Variants in RAP2B observed in about 807,000 individuals in gnomAD.
RAP2B encodes the protein RAP2B, member of RAS oncogene family.
Under a neutral mutation model 14.4 loss-of-function variants are expected in RAP2B, and 6 were observed. The ratio of observed to expected loss-of-function variants is 0.42; its 90% confidence interval spans 0.23 to 0.82. The LOEUF is 0.82. RAP2B is among the 40% of genes least tolerant of loss of function. The pLI is 0.30. For missense variants in RAP2B, 137 were observed against 248.2 expected (o/e 0.55, Z 3.01); for synonymous variants, 118 against 113.2 (o/e 1.04, Z -0.27).
Position 153,162,942 on chromosome 3 carries a change from C to T in RAP2B, c.249C>T (p.Ser83=), listed in dbSNP as rs772311698. Residue 83 remains serine (S), a synonymous_variant, in exon 1 of 1, where the codon AGC becomes AGT. Coordinates refer to ENST00000323534, the MANE Select transcript of RAP2B (RefSeq NM_002886.4). This position sits in a 1 kb window ranked among gnomAD's most constrained non-coding sequence, Gnocchi z 4.9. Reference sequence around the variant, plus strand: ...GCCAGGGCTTCATCCTGGTCTACAGCCTCGTCAACCAGCAGAGCTTCCAGG... The same window carrying T: ...GCCAGGGCTTCATCCTGGTCTACAGTCTCGTCAACCAGCAGAGCTTCCAGG... ...KNGQGFILVY[S]LVNQQSFQDI... 7 of 1,614,050 alleles carry T rather than the reference C, an allele frequency of 4.3e-6. No individual in the cohort carries two copies. In the Admixed American group the frequency reaches 1.0e-4, roughly 23 times the overall value.
chr3:153,169,233 C>G lies in RAP2B; in HGVS notation c.*5988C>G, dbSNP rs1245334794. ...AGTGCAATGGCGCGATCTCGGCTCA[C>G]TGCAACTTCCGCTTCCTGGGTTCAA... On this transcript the variant is annotated 3_prime_UTR_variant, in exon 1 of 1. Transcript: ENST00000323534. The G allele has an allele frequency of 6.6e-6, 1 of 151,916 alleles. No individual in the cohort carries two copies. Among genetic ancestry groups the G allele is most frequent in the Non-Finnish European group, 1.5e-5 (1 of 68,044 alleles). The allele number at this position is 151,916 out of a possible 1,614,324, so 9.4% of individuals were successfully genotyped here. A position where few individuals can be genotyped will look rare whatever the true frequency, so the allele number is the denominator to read the frequency against.
Position 153,169,411 on chromosome 3 carries a change from T to G in RAP2B, c.*6166T>G, listed in dbSNP as rs1420648720. The G allele has an allele frequency of 6.6e-6, 1 of 151,774 alleles. No individual in the cohort carries two copies. The highest frequency in any genetic ancestry group is 1.5e-5 in the Non-Finnish European group (1 of 68,102). The allele number at this position is 151,774 out of a possible 1,614,324, so 9.4% of individuals were successfully genotyped here. A position where few individuals can be genotyped will look rare whatever the true frequency, so the allele number is the denominator to read the frequency against. ...GACCTTGTGATCTGCCCACCTTGGCTTCCCAAAGTGCTGGGATTACAGGTG... is the reference window on the plus strand; with the variant it reads ...GACCTTGTGATCTGCCCACCTTGGCGTCCCAAAGTGCTGGGATTACAGGTG... On this transcript the variant is annotated 3_prime_UTR_variant, in exon 1 of 1. Transcript: ENST00000323534.
rs138284875 is a variant in RAP2B at position 153,162,434 on chromosome 3, C to T, written c.-260C>T. 2,856 of 290,364 alleles carry T rather than the reference C, an allele frequency of 9.8e-3. 28 individuals carry two copies. Among genetic ancestry groups the T allele is most frequent in the Non-Finnish European group, 0.013 (2,025 of 158,552 alleles). The allele number at this position is 290,364 out of a possible 1,614,324, so 18.0% of individuals were successfully genotyped here. On this transcript the variant is annotated 5_prime_UTR_variant, in exon 1 of 1. Transcript: ENST00000323534. The surrounding 1 kb of genome is among the most constrained non-coding windows in gnomAD (Gnocchi z 4.9). ...TGCGGGCATTGTCCTCTCGGTTCGC[C>T]GCCCGGGCTGCTGCTGCCGCCGCGG...
rs908197761 is a variant in RAP2B at position 153,167,982 on chromosome 3, T to C, written c.*4737T>C. 6.0e-6 allele frequency: 1 copy of C among 167,054 alleles called. No individual in the cohort carries two copies. The highest frequency in any genetic ancestry group is 2.4e-5 in the African/African-American group (1 of 41,450). The allele number at this position is 167,054 out of a possible 1,614,324, so 10.3% of individuals were successfully genotyped here. On this transcript the variant is annotated 3_prime_UTR_variant, in exon 1 of 1. Coordinates refer to ENST00000323534, the MANE Select transcript of RAP2B (RefSeq NM_002886.4). ...TTCTAAAAATCATTGTGCCAGAGAATTTAAATCTTCATATCATGGTAAGCA... is the reference window on the plus strand; with the variant it reads ...TTCTAAAAATCATTGTGCCAGAGAACTTAAATCTTCATATCATGGTAAGCA...
Position 153,162,557 on chromosome 3 carries a change from T to G in RAP2B, c.-137T>G. On this transcript the variant is annotated 5_prime_UTR_variant, in exon 1 of 1. Coordinates refer to ENST00000323534, the MANE Select transcript of RAP2B (RefSeq NM_002886.4). This position sits in a 1 kb window ranked among gnomAD's most constrained non-coding sequence, Gnocchi z 4.9. Reference sequence around the variant, plus strand: ...CCGTTCGGTGGTTTCCGCCCTGCGTTCTCTGGGTTGCTCTCTCCTGGGTTT... The same window carrying G: ...CCGTTCGGTGGTTTCCGCCCTGCGTGCTCTGGGTTGCTCTCTCCTGGGTTT... 1.8e-6 allele frequency: 2 copies of G among 1,090,796 alleles called. No homozygotes were observed. The highest frequency in any genetic ancestry group is 2.5e-6 in the Non-Finnish European group (2 of 794,576). The allele number at this position is 1,090,796 out of a possible 1,614,324, so 67.6% of individuals were successfully genotyped here. A position where few individuals can be genotyped will look rare whatever the true frequency, so the allele number is the denominator to read the frequency against.
At position 153,168,711 on chromosome 3, in the gene RAP2B, T is replaced by C. The variant is rs1713645921; in HGVS notation, c.*5466T>C. ...GGAGCTATGTCTTCCATTCCAACTATACAGAAATAAACTTTTTTAAAGTTT... is the reference window on the plus strand; with the variant it reads ...GGAGCTATGTCTTCCATTCCAACTACACAGAAATAAACTTTTTTAAAGTTT... On this transcript the variant is annotated 3_prime_UTR_variant, in exon 1 of 1. Coordinates refer to ENST00000323534, the MANE Select transcript of RAP2B (RefSeq NM_002886.4). The C allele has an allele frequency of 6.6e-6, 1 of 152,212 alleles. No homozygotes were observed. The highest frequency in any genetic ancestry group is 2.1e-4 in the South Asian group (1 of 4,834). 9.4% of individuals were successfully genotyped at this position (152,212 alleles called of 1,614,324 possible). A position where few individuals can be genotyped will look rare whatever the true frequency, so the allele number is the denominator to read the frequency against.
Position 153,162,662 on chromosome 3 carries a change from G to T in RAP2B, c.-32G>T. 1.3e-6 allele frequency: 2 copies of T among 1,562,700 alleles called. No individual in the cohort carries two copies. The highest frequency in any genetic ancestry group is 1.7e-6 in the Non-Finnish European group (2 of 1,155,482). ...CCCGGCGCGCAGCCCCGACGGGGCC[G>T]CGGCAGGCGCGGCGAGAGCGCTGAC... On this transcript the variant is annotated 5_prime_UTR_variant, in exon 1 of 1. Coordinates refer to ENST00000323534, the MANE Select transcript of RAP2B (RefSeq NM_002886.4). The surrounding 1 kb of genome is among the most constrained non-coding windows in gnomAD (Gnocchi z 4.9).
rs985598897 is a variant in RAP2B, at chr3:153,168,732, A to C, written c.*5487A>C. On this transcript the variant is annotated 3_prime_UTR_variant, in exon 1 of 1. Coordinates refer to ENST00000323534, the MANE Select transcript of RAP2B (RefSeq NM_002886.4). ...ACTATACAGAAATAAACTTTTTTAA[A>C]GTTTAGTTTGCCCATCTGATAAAGG... is the stretch of plus-strand genomic sequence containing the variant. 6.6e-6 allele frequency: 1 copy of C among 152,178 alleles called. No homozygotes were observed. Among genetic ancestry groups the C allele is most frequent in the Non-Finnish European group, 1.5e-5 (1 of 68,026 alleles). 9.4% of individuals were successfully genotyped at this position (152,178 alleles called of 1,614,324 possible). A position where few individuals can be genotyped will look rare whatever the true frequency, so the allele number is the denominator to read the frequency against.
rs1166554090 is a variant in RAP2B at position 153,170,230 on chromosome 3, G to A, written c.*6985G>A. The A allele has an allele frequency of 6.6e-6, 1 of 152,176 alleles. No individual in the cohort carries two copies. Among genetic ancestry groups the A allele is most frequent in the Non-Finnish European group, 1.5e-5 (1 of 68,030 alleles). 9.4% of individuals were successfully genotyped at this position (152,176 alleles called of 1,614,324 possible). On this transcript the variant is annotated 3_prime_UTR_variant, in exon 1 of 1. Transcript: ENST00000323534. ...AATGGAAAAGAGAAAGATTATTGAT[G>A]CCTTGTGAATACAGGTGTCCCCAAA...
Position 153,165,254 on chromosome 3 carries a change from T to A in RAP2B, c.*2009T>A, listed in dbSNP as rs577239284. On this transcript the variant is annotated 3_prime_UTR_variant, in exon 1 of 1. Coordinates refer to ENST00000323534, the MANE Select transcript of RAP2B (RefSeq NM_002886.4). ...TGCCTCAACCCTTTTGAGGTTTTGA[T>A]TTGGAAATAGATTTAAAAGAAAACA... The A allele has an allele frequency of 1.8e-5, 3 of 167,218 alleles. No individual in the cohort carries two copies. The highest frequency in any genetic ancestry group is 4.4e-5 in the Non-Finnish European group (3 of 68,110). 10.4% of individuals were successfully genotyped at this position (167,218 alleles called of 1,614,324 possible).
chr3:153,162,676 G>A lies in RAP2B; in HGVS notation c.-18G>A. 6.3e-7 allele frequency: 1 copy of A among 1,578,022 alleles called. No homozygotes were observed. On this transcript the variant is annotated 5_prime_UTR_variant, in exon 1 of 1. Transcript: ENST00000323534. The surrounding 1 kb of genome is among the most constrained non-coding windows in gnomAD (Gnocchi z 4.9). ...CCGACGGGGCCGCGGCAGGCGCGGC[G>A]AGAGCGCTGACGGAGCCATGAGAGA...
Position 153,163,425 on chromosome 3 carries a change from G to A in RAP2B, c.*180G>A. ...GCCTCCACCCTGTGCCCGAGGGGGT[G>A]TCCGGTCCTGCCCATCCGATACTCT... On this transcript the variant is annotated 3_prime_UTR_variant, in exon 1 of 1. Transcript: ENST00000323534. 1.3e-6 allele frequency: 1 copy of A among 756,958 alleles called. No homozygotes were observed. Among genetic ancestry groups the A allele is most frequent in the Admixed American group, 3.1e-5 (1 of 32,488 alleles). The allele number at this position is 756,958 out of a possible 1,614,324, so 46.9% of individuals were successfully genotyped here.
At position 153,169,985 on chromosome 3, in the gene RAP2B, T is replaced by C. The variant is rs1240390790; in HGVS notation, c.*6740T>C. 6.6e-6 allele frequency: 1 copy of C among 150,992 alleles called. No individual in the cohort carries two copies. Among genetic ancestry groups the C allele is most frequent in the African/African-American group, 2.5e-5 (1 of 40,288 alleles). The allele number at this position is 150,992 out of a possible 1,614,324, so 9.4% of individuals were successfully genotyped here. On this transcript the variant is annotated 3_prime_UTR_variant, in exon 1 of 1. Transcript: ENST00000323534. ...GTATAGACATGCAGGAAAAGCAAAA[T>C]GGGCCTTATGGCTATTGAAATTATG...
chr3:153,167,013 A>G lies in RAP2B; in HGVS notation c.*3768A>G, dbSNP rs1034035355. 8 of 166,956 alleles carry G rather than the reference A, an allele frequency of 4.8e-5. No individual in the cohort carries two copies. The highest frequency in any genetic ancestry group is 1.7e-4 in the African/African-American group (7 of 41,460). The allele number at this position is 166,956 out of a possible 1,614,324, so 10.3% of individuals were successfully genotyped here. On this transcript the variant is annotated 3_prime_UTR_variant, in exon 1 of 1. Coordinates refer to ENST00000323534, the MANE Select transcript of RAP2B (RefSeq NM_002886.4). The stretch of plus-strand genomic sequence containing the variant: ...TTTTTTGTTTTTCACAACAGCTGGA[A>G]TAAGTTCCTGCATTATAAGTATAAA...
chr3:153,170,027 A>G lies in RAP2B; in HGVS notation c.*6782A>G, dbSNP rs781273656. 1 of 152,208 alleles carries G rather than the reference A, an allele frequency of 6.6e-6. No individual in the cohort carries two copies. Among genetic ancestry groups the G allele is most frequent in the East Asian group, 1.9e-4 (1 of 5,194 alleles). The allele number at this position is 152,208 out of a possible 1,614,324, so 9.4% of individuals were successfully genotyped here. Reference sequence around the variant, plus strand: ...GAAATTATGAGTGTTGATCTGTTCTATAAATTGGAGGAGACAGCTATTTGC... The same window carrying G: ...GAAATTATGAGTGTTGATCTGTTCTGTAAATTGGAGGAGACAGCTATTTGC... On this transcript the variant is annotated 3_prime_UTR_variant, in exon 1 of 1. Transcript: ENST00000323534.
Position 153,165,307 on chromosome 3 carries a change from TACACCCTGCAGTTTGGACC to T in RAP2B, c.*2066_*2084del, listed in dbSNP as rs1442243504. The T allele has an allele frequency of 6.0e-6, 1 of 167,110 alleles. No individual in the cohort carries two copies. The highest frequency in any genetic ancestry group is 1.5e-5 in the Non-Finnish European group (1 of 68,122). The allele number at this position is 167,110 out of a possible 1,614,324, so 10.4% of individuals were successfully genotyped here. A position where few individuals can be genotyped will look rare whatever the true frequency, so the allele number is the denominator to read the frequency against. ...CTAAGATAATATCCTTGTTCTCATT[TACACCCTGCAGTTTGGACC>T]ACATTTGACCTCATAAGTTTTTCCT... On this transcript the variant is annotated 3_prime_UTR_variant, in exon 1 of 1. Coordinates refer to ENST00000323534, the MANE Select transcript of RAP2B (RefSeq NM_002886.4).
At position 153,166,424 on chromosome 3, in the gene RAP2B, G is replaced by A. The variant is rs1713578830; in HGVS notation, c.*3179G>A. The A allele has an allele frequency of 2.4e-5, 4 of 167,044 alleles. No individual in the cohort carries two copies. The South Asian group carries it at 8.3e-4, about 35-fold the overall frequency. The allele number at this position is 167,044 out of a possible 1,614,324, so 10.3% of individuals were successfully genotyped here. A position where few individuals can be genotyped will look rare whatever the true frequency, so the allele number is the denominator to read the frequency against. On this transcript the variant is annotated 3_prime_UTR_variant, in exon 1 of 1. Transcript: ENST00000323534. ...TGTTAAAGGAAGTGAGTCAGGGAGG[G>A]CGGAGTTTGTTGTAAGGCAATCACC...
rs929102786 is a variant in RAP2B at position 153,170,538 on chromosome 3, C to G, written c.*7293C>G. The G allele has an allele frequency of 3.3e-5, 5 of 152,094 alleles. No individual in the cohort carries two copies. The highest frequency in any genetic ancestry group is 9.6e-5 in the African/African-American group (4 of 41,472). The allele number at this position is 152,094 out of a possible 1,614,324, so 9.4% of individuals were successfully genotyped here. Reference sequence around the variant, plus strand: ...GTTATAATACTGTGGGGCTGTTTGGCAGACAATAGAGTAGATAAATTTATT... The same window carrying G: ...GTTATAATACTGTGGGGCTGTTTGGGAGACAATAGAGTAGATAAATTTATT... On this transcript the variant is annotated 3_prime_UTR_variant, in exon 1 of 1. Transcript: ENST00000323534.
chr3:153,163,372 C>G lies in RAP2B; in HGVS notation c.*127C>G, dbSNP rs1487455123. The G allele has an allele frequency of 1.5e-6, 2 of 1,347,914 alleles. No individual in the cohort carries two copies. The highest frequency in any genetic ancestry group is 1.5e-5 in the African/African-American group (1 of 67,386). 83.5% of individuals were successfully genotyped at this position (1,347,914 alleles called of 1,614,324 possible). A position where few individuals can be genotyped will look rare whatever the true frequency, so the allele number is the denominator to read the frequency against. ...CATTGGCCAGGGTGTCTTGGGAGCCCGGCTGGCCTCCGCGGCCGGCGTCCC... is the reference window on the plus strand; with the variant it reads ...CATTGGCCAGGGTGTCTTGGGAGCCGGGCTGGCCTCCGCGGCCGGCGTCCC... On this transcript the variant is annotated 3_prime_UTR_variant, in exon 1 of 1. Coordinates refer to ENST00000323534, the MANE Select transcript of RAP2B (RefSeq NM_002886.4).
Sources: allele counts gnomAD v4.1 joint callset, GRCh38; gene constraint gnomAD v4.1.1; non-coding constraint Gnocchi (gnomAD v3.1); transcripts MANE v1.5; gene names NCBI Gene and HGNC (gene_info 2026-07-23, HGNC 2026-07-21).